The following NAA25 variants were observed in gnomAD, a reference collection of about 807,000 sequenced individuals.
NAA25 encodes N-alpha-acetyltransferase 25, NatB auxiliary subunit, also known as N-terminal acetyltransferase B complex subunit NAA25.
Under a neutral mutation model 132.5 loss-of-function variants are expected in NAA25, and 30 were observed. The observed-to-expected ratio is 0.23, with a 90% confidence interval of 0.17 to 0.31. The LOEUF is 0.31. Among genes scored for constraint, NAA25 ranks in the 10% least tolerant of loss-of-function variants. The probability of loss-of-function intolerance (pLI) is 1.00; values close to 1 mark genes in which losing one functional copy is unlikely to be tolerated. For synonymous variants in NAA25, 359 were observed against 401.9 expected (o/e 0.89, Z 1.28); for missense variants, 771 against 1,150.4 (o/e 0.67, Z 4.77).
chr12:112,031,316 T>C (rs2078147331), intron 23 of NAA25, among the ~76,000 whole-genome samples: 1 of 152,126 alleles, frequency 6.6e-6, no homozygotes, highest in Non-Finnish European at 1.5e-5. Flanking sequence ...ATTGAAGAGA[T>C]TTTTACCTTT....
rs1555232784 is a variant in NAA25 at position 112,045,500 on chromosome 12, A to AAC, written c.2007-1633_2007-1632insGT. The stretch of plus-strand genomic sequence containing the variant: ...AGACTCCATCACAAAAAAAAAAAAA[A>AAC]AAAAAAAATAGGGGCTGGTTGCGAT... On this transcript the variant is annotated intron_variant, in intron 17 of 23. Coordinates refer to ENST00000261745, the MANE Select transcript of NAA25 (RefSeq NM_024953.4). Among the ~76,000 whole-genome samples the AAC allele has an allele frequency of 3.1e-4, 46 of 147,506 alleles. No homozygotes were observed. The South Asian group carries it at 4.7e-3, about 15-fold the overall frequency.
Position 112,049,342 on chromosome 12 carries a change from G to A in NAA25, c.1729-899C>T. On this transcript the variant is annotated intron_variant, in intron 15 of 23. Coordinates refer to ENST00000261745, the MANE Select transcript of NAA25 (RefSeq NM_024953.4). The surrounding 1 kb of genome is among the most constrained non-coding windows in gnomAD (Gnocchi z 4.7). ...GGCCAAGGAAACTATTATGCTCAAAGCTGATGTCTGCCCCCAAAAAAGATC... is the reference window on the plus strand; with the variant it reads ...GGCCAAGGAAACTATTATGCTCAAAACTGATGTCTGCCCCCAAAAAAGATC... The A allele has an allele frequency of 1.8e-6, 1 of 557,532 alleles. No individual in the cohort carries two copies. The allele number at this position is 557,532 out of a possible 1,614,324, so 34.5% of individuals were successfully genotyped here.
intron 23 of NAA25, among the ~76,000 whole-genome samples, chr12:112,029,873 T>C (rs180752435): frequency 3.3e-5 from 5 of 152,314 alleles, no homozygotes; most frequent in African/African-American, 1.2e-4. Context: ...CCTATTGCTT[T>C]AGCATCATTA....
rs774110297 is a variant in NAA25 at position 112,054,427 on chromosome 12, G to C, written c.1589C>G (p.Ser530Cys). 1.5e-5 allele frequency: 25 copies of C among 1,614,038 alleles called. No individual in the cohort carries two copies. The highest frequency in any genetic ancestry group is 1.9e-5 in the Non-Finnish European group (22 of 1,180,024). Residue 530 changes from serine (S) to cysteine (C), a missense_variant, in exon 14 of 24, where the codon TCC becomes TGC. Coordinates refer to ENST00000261745, the MANE Select transcript of NAA25 (RefSeq NM_024953.4). Reference protein sequence around the residue: ...GAFEPVVDLYSSLDAKHIQHD... With the variant: ...GAFEPVVDLYCSLDAKHIQHD... ...CTGGATATGCTTAGCATCGAGGCTG[G>C]AGTAAAGATCCACCACTGGTTCAAA...
intron 7 of NAA25, among the ~76,000 whole-genome samples, chr12:112,077,750 A>G (rs1162517713): frequency 6.6e-6 from 1 of 152,178 alleles, no homozygotes; most frequent in East Asian, 1.9e-4. Context: ...TCTACAGAGT[A>G]CAAATCCTGA....
At chr12:112,090,689 G>C in intron 3 of NAA25, 37 bp downstream of exon 3, 1 of 1,592,400 alleles carries the variant, frequency 6.3e-7, no homozygotes, top group South Asian at 1.1e-5. Flanking sequence ...AAAATTTTCA[G>C]CTCAAGTTTA....
At chr12:112,078,522 G>C (rs1441981241) in intron 6 of NAA25, 112 bp downstream of exon 6, 7 of 997,368 alleles carry the variant, frequency 7.0e-6, no homozygotes, top group African/African-American at 1.6e-5. Context: ...AAGGCCAAAA[G>C]TGAGGACCCA....
chr12:112,108,566 C>T (rs2079400930), intron 1 of NAA25, 150 bp downstream of exon 1: 8 of 839,462 alleles, frequency 9.5e-6, no homozygotes, highest in Non-Finnish European at 1.2e-5. Flanking sequence ...ACGCGAGGCC[C>T]GCGGCTGCGG....
Position 112,027,661 on chromosome 12 carries a change from G to C in NAA25, c.*1870C>G, listed in dbSNP as rs747546526. On this transcript the variant is annotated 3_prime_UTR_variant, in exon 24 of 24. Transcript: ENST00000261745. ...TATGCTAGATTGATCATGGTCAGTC[G>C]ATAGACTTTTTCAAAGAGCATTTCT... 6.6e-6 allele frequency: 1 copy of C among 152,136 alleles called. No individual in the cohort carries two copies. The highest frequency in any genetic ancestry group is 1.5e-5 in the Non-Finnish European group (1 of 68,030). The allele number at this position is 152,136 out of a possible 1,614,324, so 9.4% of individuals were successfully genotyped here. A position where few individuals can be genotyped will look rare whatever the true frequency, so the allele number is the denominator to read the frequency against.
At chr12:112,100,854 G>A (rs938785183) in intron 1 of NAA25, among the ~76,000 whole-genome samples, 2 of 151,940 alleles carry the variant, frequency 1.3e-5, no homozygotes, top group South Asian at 2.1e-4. Context: ...TCCTGACCTC[G>A]TCATCCACCT....
intron 9 of NAA25, among the ~76,000 whole-genome samples, chr12:112,074,112 G>A (rs1263405917): frequency 6.6e-6 from 1 of 151,976 alleles, no homozygotes; most frequent in Non-Finnish European, 1.5e-5. Context: ...ATGCTGAGAT[G>A]GGTGGATCAC....
chr12:112,092,674 T>TC lies in NAA25; in HGVS notation c.144+376dup, dbSNP rs1007459395. On this transcript the variant is annotated intron_variant, in intron 2 of 23. Coordinates refer to ENST00000261745, the MANE Select transcript of NAA25 (RefSeq NM_024953.4). ...CACTAAAGAGATTTAACATCCTTTC[T>TC]CCCCCCCCTTTTTTTTTTTTTGAGA... Among the ~76,000 whole-genome samples, 1,167 of 141,820 alleles carry TC rather than the reference T, an allele frequency of 8.2e-3. 23 individuals carry two copies. The highest frequency in any genetic ancestry group is 6.4e-3 in the Non-Finnish European group (424 of 66,300). 93.0% of individuals were successfully genotyped at this position (141,820 alleles called of 152,430 possible).
Position 112,026,812 on chromosome 12 carries a change from A to G in NAA25, c.*2719T>C, listed in dbSNP as rs1166050820. ...TATTAATAAATCACATCAAATAAGT[A>G]GGAAGTTTCAATAACAAGCCTGTAG... On this transcript the variant is annotated 3_prime_UTR_variant, in exon 24 of 24. Transcript: ENST00000261745. 1 of 152,286 alleles carries G rather than the reference A, an allele frequency of 6.6e-6. No homozygotes were observed. The highest frequency in any genetic ancestry group is 6.5e-5 in the Admixed American group (1 of 15,286). The allele number at this position is 152,286 out of a possible 1,614,324, so 9.4% of individuals were successfully genotyped here. A position where few individuals can be genotyped will look rare whatever the true frequency, so the allele number is the denominator to read the frequency against.
At chr12:112,073,369 C>A (rs973891725) in intron 9 of NAA25, among the ~76,000 whole-genome samples, 1 of 152,080 alleles carries the variant, frequency 6.6e-6, no homozygotes, top group Non-Finnish European at 1.5e-5. Flanking sequence ...GTTAATATTA[C>A]GAAGCAAGCA....
Position 112,098,562 on chromosome 12 carries a change from T to C in NAA25, c.59-5426A>G, listed in dbSNP as rs530087019. ...TTAAAAAGCTACTCAAGGGGAATTG[T>C]AGTTTGGCCATGAGGAATGGTGCTG... is the stretch of plus-strand genomic sequence containing the variant. On this transcript the variant is annotated intron_variant, in intron 1 of 23. Transcript: ENST00000261745. Among the ~76,000 whole-genome samples, 9 of 152,300 alleles carry C rather than the reference T, an allele frequency of 5.9e-5. No individual in the cohort carries two copies. In the South Asian group the frequency reaches 1.7e-3, roughly 28 times the overall value.
chr12:112,085,519 T>C (rs577637885), intron 4 of NAA25, among the ~76,000 whole-genome samples: 22 of 152,278 alleles, frequency 1.4e-4, no homozygotes, highest in African/African-American at 5.1e-4. Context: ...GGAACATCTT[T>C]ATATGTCAAC....
At chr12:112,031,730 T>C (rs1276156451) in intron 23 of NAA25, among the ~76,000 whole-genome samples, 4 of 151,828 alleles carry the variant, frequency 2.6e-5, no homozygotes, top group African/African-American at 9.7e-5. Flanking sequence ...CCGTATACCA[T>C]AAGCTCTGGC....
intron 15 of NAA25, 26 bp downstream of exon 15, chr12:112,053,532 C>A: frequency 6.7e-7 from 1 of 1,496,506 alleles, no homozygotes; most frequent in Admixed American, 1.8e-5. Flanking sequence ...GACAAGATCA[C>A]AGTTAAAAAA....
Position 112,072,009 on chromosome 12 carries a change from C to G in NAA25, c.922G>C (p.Asp308His). The change falls in exon 10 of 24, where the codon GAT (aspartate) becomes CAT (histidine). Residue 308 changes from aspartate to histidine, a missense_variant. Physicochemically the swap from Asp to His is moderately conservative, Grantham distance 81. Around this residue, in one of 3 missense-constraint regions of NAA25, gnomAD observed 417 missense variants for 733.8 expected, o/e 0.57. Transcript: ENST00000261745. ...SAEKAVKFIE[D>H]RITEESKSSR... ...CTTTTAGATTCTTCCGTTATCCGAT[C>G]TTCTATAAACTTCACAGCTTTTTCT... The G allele has an allele frequency of 6.2e-7, 1 of 1,613,988 alleles. No homozygotes were observed. Among genetic ancestry groups the G allele is most frequent in the Non-Finnish European group, 8.5e-7 (1 of 1,179,962 alleles).
Sources: allele counts gnomAD v4.1 joint callset (sites outside exome capture counted in the v4.1 genomes callset), GRCh38; gene constraint gnomAD v4.1.1; regional missense constraint gnomAD v4.1.1; non-coding constraint Gnocchi (gnomAD v3.1); transcripts MANE v1.5; gene names NCBI Gene and HGNC (gene_info 2026-07-23, HGNC 2026-07-21).